Variants in CDKN3 observed in about 807,000 individuals in gnomAD.
CDKN3 encodes cyclin-dependent kinase inhibitor 3.
Under a neutral mutation model 36.1 loss-of-function variants are expected in CDKN3, and 19 were observed. That is an observed-to-expected ratio of 0.53 (90% CI 0.37 to 0.77). CDKN3 has a LOEUF of 0.77. CDKN3 is among the 30% of genes least tolerant of loss of function. CDKN3 has a pLI of 0.00. For synonymous variants in CDKN3, 71 were observed against 85.3 expected (o/e 0.83, Z 0.92); for missense variants, 188 against 248.6 (o/e 0.76, Z 1.64).
chr14:54,418,053 A>C (rs1189208660), intron 7 of CDKN3, 102 bp downstream of exon 7: 1 of 708,380 alleles, frequency 1.4e-6, no homozygotes, highest in Non-Finnish European at 2.5e-6. Flanking sequence ...CCAAAAGGGC[A>C]GTGAAATGAA....
intron 7 of CDKN3, 107 bp from the exon 8 acceptor site, chr14:54,419,885 T>C (rs1177207543): frequency 6.3e-6 from 4 of 634,074 alleles, no homozygotes; most frequent in Non-Finnish European, 1.1e-5. Context: ...AGATGTAGAA[T>C]TGTGCTTAGC....
Position 54,413,491 on chromosome 14 carries a change from T to C in CDKN3, c.416+1785T>C, listed in dbSNP as rs939426111. The C allele has an allele frequency of 8.0e-6, 6 of 746,068 alleles. No individual in the cohort carries two copies. The African/African-American group carries it at 8.7e-5, about 11-fold the overall frequency. 46.2% of individuals were successfully genotyped at this position (746,068 alleles called of 1,614,324 possible). A position where few individuals can be genotyped will look rare whatever the true frequency, so the allele number is the denominator to read the frequency against. Reference sequence around the variant, plus strand: ...GGTTCTGGCAACCCAAATGCTCTGATGTTTGTGCAGAGTACAAACAGGATA... The same window carrying C: ...GGTTCTGGCAACCCAAATGCTCTGACGTTTGTGCAGAGTACAAACAGGATA... On this transcript the variant is annotated intron_variant, in intron 5 of 7. Transcript: ENST00000335183.
At chr14:54,398,667 C>A (rs144859843) in intron 1 of CDKN3, among the ~76,000 whole-genome samples, 1 of 152,112 alleles carries the variant, frequency 6.6e-6, no homozygotes, top group Non-Finnish European at 1.5e-5. Context: ...TTTTGTTTTT[C>A]TTTTTCTTTT....
rs140149454 is a variant in CDKN3 at position 54,402,470 on chromosome 14, C to T, written c.148+891C>T. Among the ~76,000 whole-genome samples the T allele has an allele frequency of 3.6e-4, 55 of 152,108 alleles. No homozygotes were observed. In the East Asian group the frequency reaches 6.8e-3, roughly 19 times the overall value. On this transcript the variant is annotated intron_variant, in intron 3 of 7. Coordinates refer to ENST00000335183, the MANE Select transcript of CDKN3 (RefSeq NM_005192.4). ...ATTAGACCTTTGTCAGATGCATAGA[C>T]GGCAAAAATTTTCTCCCATTCTGTA...
chr14:54,403,216 C>T (rs919657516), intron 3 of CDKN3, among the ~76,000 whole-genome samples: 2 of 152,122 alleles, frequency 1.3e-5, no homozygotes, highest in African/African-American at 4.8e-5. Context: ...TGTGTCCTCT[C>T]TTATTTCCTT....
At chr14:54,402,244 C>T (rs1274016097) in intron 3 of CDKN3, among the ~76,000 whole-genome samples, 6 of 151,764 alleles carry the variant, frequency 4.0e-5, no homozygotes, top group East Asian at 1.9e-4. Flanking sequence ...CAGTTCCACC[C>T]GGGTTGCTGT....
chr14:54,413,464 C>T (rs2030427924), intron 5 of CDKN3: 2 of 593,030 alleles, frequency 3.4e-6, no homozygotes, highest in Non-Finnish European at 5.9e-6. Flanking sequence ...TCTACTGTAG[C>T]TGGTTCTGGC....
chr14:54,403,034 C>T (rs966054857), intron 3 of CDKN3, among the ~76,000 whole-genome samples: 2 of 152,118 alleles, frequency 1.3e-5, no homozygotes, highest in Non-Finnish European at 2.9e-5. Context: ...GCTATATGGG[C>T]TCTTTTTTTG....
Position 54,417,864 on chromosome 14 carries a change from A to C in CDKN3, c.465A>C (p.Leu155=), listed in dbSNP as rs1391213740. 1.9e-6 allele frequency: 3 copies of C among 1,591,608 alleles called. No individual in the cohort carries two copies. The highest frequency in any genetic ancestry group is 2.3e-5 in the South Asian group (2 of 87,938). The stretch of plus-strand genomic sequence containing the variant: ...TTCCATTAGTAGCTGCTTGTCTCCT[A>C]CTATACCTGTCTGACACAATATCAC... ...GRSCLVAACL[L]LYLSDTISPE... Residue 155 remains leucine (L), a synonymous_variant, in exon 7 of 8, where the codon CTA becomes CTC. Transcript: ENST00000335183.
In CDKN3 at chr14:54,411,501, G is replaced by A. The variant is rs1302445104; in HGVS notation, c.211G>A (p.Gly71Ser). The A allele has an allele frequency of 6.2e-7, 1 of 1,613,306 alleles. No individual in the cohort carries two copies. Among genetic ancestry groups the A allele is most frequent in the East Asian group, 2.2e-5 (1 of 44,876 alleles). The change falls in exon 5 of 8, where the codon GGT becomes AGT. Residue 71 changes from glycine to serine, a missense_variant. Transcript: ENST00000335183. ...ATTGGCAGAAGAACTAAAGAGCTGT[G>A]GTATACAAGACATATTTGTTTTCTG... Reference protein sequence around the residue: ...QKDTEELKSCGIQDIFVFCTR... With the variant: ...QKDTEELKSCSIQDIFVFCTR...
chr14:54,401,531 T>G lies in CDKN3; in HGVS notation c.100T>G (p.Leu34Val). The G allele has an allele frequency of 6.2e-7, 1 of 1,609,684 alleles. No homozygotes were observed. The highest frequency in any genetic ancestry group is 8.5e-7 in the Non-Finnish European group (1 of 1,177,616). ...AATTTTTCTTCTTTTCAGGCTATCT[T>G]TGTCACGAGTGAATTGTTCTCAGTT... The part of the protein sequence containing the change: ...QTPIHISWLS[L>V]SRVNCSQFLG... Residue 34 changes from leucine (L) to valine (V), a missense_variant, in exon 3 of 8, where the codon TTG (leucine) becomes GTG (valine). Coordinates refer to ENST00000335183, the MANE Select transcript of CDKN3 (RefSeq NM_005192.4).
intron 1 of CDKN3, among the ~76,000 whole-genome samples, chr14:54,399,682 C>A (rs1886418919): frequency 6.6e-6 from 1 of 152,182 alleles, no homozygotes; most frequent in African/African-American, 2.4e-5. Flanking sequence ...GGTTCCCAAT[C>A]CAACTCTCTT....
intron 3 of CDKN3, among the ~76,000 whole-genome samples, chr14:54,406,972 G>A (rs908781577): frequency 1.3e-5 from 2 of 152,044 alleles, no homozygotes; most frequent in Non-Finnish European, 2.9e-5. Context: ...CCTCATCTTC[G>A]CGGATTTATC....
chr14:54,412,347 T>C (rs1437955861), intron 5 of CDKN3, among the ~76,000 whole-genome samples: 5 of 151,024 alleles, frequency 3.3e-5, no homozygotes, highest in African/African-American at 1.2e-4. Context: ...GTGACAGTAC[T>C]GCACTCCAGC....
At chr14:54,404,454 A>G (rs2030075230) in intron 3 of CDKN3, among the ~76,000 whole-genome samples, 1 of 151,076 alleles carries the variant, frequency 6.6e-6, no homozygotes. Context: ...CTTCTTTATT[A>G]GTCTGGCTAG....
intron 6 of CDKN3, among the ~76,000 whole-genome samples, chr14:54,416,850 T>C (rs1441407532): frequency 6.6e-6 from 1 of 151,962 alleles, no homozygotes; most frequent in Non-Finnish European, 1.5e-5. Context: ...ACAAACAACA[T>C]AACTGAAAAA....
chr14:54,410,937 G>A (rs2030326450), intron 4 of CDKN3, among the ~76,000 whole-genome samples: 1 of 152,090 alleles, frequency 6.6e-6, no homozygotes, highest in Non-Finnish European at 1.5e-5. Flanking sequence ...CCAGCACTTT[G>A]GGAGGCGGAG....
intron 6 of CDKN3, among the ~76,000 whole-genome samples, chr14:54,416,636 G>A (rs2030561511): frequency 6.6e-6 from 1 of 152,082 alleles, no homozygotes; most frequent in Non-Finnish European, 1.5e-5. Flanking sequence ...GCAACATGGT[G>A]AAACCCCATC....
intron 3 of CDKN3, among the ~76,000 whole-genome samples, chr14:54,403,617 C>T (rs916042616): frequency 4.6e-5 from 7 of 152,138 alleles, no homozygotes; most frequent in Admixed American, 6.5e-5. Flanking sequence ...TGTCTTATGA[C>T]GGTTTTCAAA....
Sources: allele counts gnomAD v4.1 joint callset (sites outside exome capture counted in the v4.1 genomes callset), GRCh38; gene constraint gnomAD v4.1.1; transcripts MANE v1.5; gene names NCBI Gene and HGNC (gene_info 2026-07-23, HGNC 2026-07-21).